Variants in FBXL7 observed in about 807,000 individuals in gnomAD.
FBXL7 encodes the protein F-box and leucine rich repeat protein 7, also known as F-box/LRR-repeat protein 7.
In FBXL7, 12 loss-of-function variants were observed where a neutral mutation model predicts 38.3. That is an observed-to-expected ratio of 0.31 (90% CI 0.20 to 0.51). The LOEUF is 0.51. Among genes scored for constraint, FBXL7 ranks in the 20% least tolerant of loss-of-function variants. The pLI, the probability that FBXL7 is intolerant of heterozygous loss-of-function variation, is 0.98. For synonymous variants in FBXL7, 297 were observed against 300.9 expected (o/e 0.99, Z 0.13); for missense variants, 567 against 676.4 (o/e 0.84, Z 1.79).
At position 15,929,865 on chromosome 5, in the gene FBXL7, C is replaced by T. The variant is rs116933000; in HGVS notation, c.739+1364C>T. On this transcript the variant is annotated intron_variant, in intron 3 of 3. Transcript: ENST00000504595. ...TAAAACCAACAGCACGACCAGCAAC[C>T]TCAGGGAGTTTGGGGGAGGGGTCAA... Among the ~76,000 whole-genome samples, 86 of 152,170 alleles carry T rather than the reference C, an allele frequency of 5.7e-4. 1 individual carries two copies. The East Asian group carries it at 0.016, about 28-fold the overall frequency.
At chr5:15,731,276 C>T (rs1735576245) in intron 2 of FBXL7, among the ~76,000 whole-genome samples, 2 of 152,152 alleles carry the variant, frequency 1.3e-5, no homozygotes, top group Admixed American at 1.3e-4. Context: ...CTCACAGTTC[C>T]ACGTGGCTAG....
At chr5:15,668,796 A>G (rs1283994125) in intron 2 of FBXL7, among the ~76,000 whole-genome samples, 1 of 152,210 alleles carries the variant, frequency 6.6e-6, no homozygotes, top group Non-Finnish European at 1.5e-5. Flanking sequence ...TAACTTATGT[A>G]AAGACCTAGG....
At chr5:15,763,383 A>G (rs1736500320) in intron 2 of FBXL7, among the ~76,000 whole-genome samples, 1 of 152,210 alleles carries the variant, frequency 6.6e-6, no homozygotes, top group Non-Finnish European at 1.5e-5. Flanking sequence ...ATTTACATAA[A>G]TAAGTGTGTT....
At chr5:15,656,539 C>T (rs1240679832) in intron 2 of FBXL7, among the ~76,000 whole-genome samples, 2 of 152,102 alleles carry the variant, frequency 1.3e-5, no homozygotes, top group Non-Finnish European at 2.9e-5. Context: ...ACCATGAGAA[C>T]AGTATGGTGG....
At chr5:15,737,891 C>T (rs1204067800) in intron 2 of FBXL7, among the ~76,000 whole-genome samples, 3 of 152,116 alleles carry the variant, frequency 2.0e-5, no homozygotes, top group African/African-American at 7.2e-5. Flanking sequence ...TCTGTGTTAC[C>T]ATCTTTGCTC....
At chr5:15,850,642 T>C (rs979003942) in intron 2 of FBXL7, among the ~76,000 whole-genome samples, 2 of 152,238 alleles carry the variant, frequency 1.3e-5, no homozygotes, top group African/African-American at 4.8e-5. Context: ...GTTCCAGCAT[T>C]GTATCCCATT....
intron 1 of FBXL7, among the ~76,000 whole-genome samples, chr5:15,532,196 G>A (rs78116247): frequency 2.6e-5 from 4 of 152,306 alleles, no homozygotes; most frequent in Non-Finnish European, 5.9e-5. Flanking sequence ...TCTTTTTGCA[G>A]TGGCTATTTC....
chr5:15,882,936 G>A (rs1740519330), intron 2 of FBXL7, among the ~76,000 whole-genome samples: 1 of 147,970 alleles, frequency 6.8e-6, no homozygotes, highest in African/African-American at 2.5e-5. Context: ...TAAATTAAAT[G>A]TATTTTCTGA....
chr5:15,666,514 C>A (rs926076905), intron 2 of FBXL7, among the ~76,000 whole-genome samples: 3 of 152,184 alleles, frequency 2.0e-5, no homozygotes, highest in African/African-American at 7.2e-5. Context: ...TTCACACCAT[C>A]CCTTAAGAAT....
At chr5:15,629,446 G>T (rs1380606154) in intron 2 of FBXL7, among the ~76,000 whole-genome samples, 1 of 152,132 alleles carries the variant, frequency 6.6e-6, no homozygotes, top group East Asian at 1.9e-4. Context: ...ATTATTATAT[G>T]ACATGTTTTA....
rs1435257346 is a variant in FBXL7 at position 15,597,953 on chromosome 5, A to T, written c.38-18030A>T. On this transcript the variant is annotated intron_variant, in intron 1 of 3. Coordinates refer to ENST00000504595, the MANE Select transcript of FBXL7 (RefSeq NM_012304.5). ...AAGAACTATTCCAGTTTCAGGCAAG[A>T]TTTATTTTGCTTAATGTATCTCCTT... Among the ~76,000 whole-genome samples, 4 of 152,318 alleles carry T rather than the reference A, an allele frequency of 2.6e-5. No individual in the cohort carries two copies. In the East Asian group the frequency reaches 5.8e-4, roughly 22 times the overall value.
chr5:15,670,442 C>T (rs1742428003), intron 2 of FBXL7, among the ~76,000 whole-genome samples: 1 of 152,192 alleles, frequency 6.6e-6, no homozygotes, highest in African/African-American at 2.4e-5. Flanking sequence ...AGCCATCCCA[C>T]TGGTCAGGGG....
intron 2 of FBXL7, among the ~76,000 whole-genome samples, chr5:15,786,397 A>G (rs1338802701): frequency 6.6e-6 from 1 of 152,224 alleles, no homozygotes; most frequent in African/African-American, 2.4e-5. Context: ...GATTTCACTT[A>G]AGAAATTTTA....
chr5:15,921,988 A>G (rs1741755267), intron 2 of FBXL7, among the ~76,000 whole-genome samples: 1 of 152,196 alleles, frequency 6.6e-6, no homozygotes, highest in Non-Finnish European at 1.5e-5. Context: ...CACATACCCA[A>G]AGGAGATGAA....
intron 2 of FBXL7, among the ~76,000 whole-genome samples, chr5:15,883,206 A>G (rs985146455): frequency 6.6e-6 from 1 of 152,222 alleles, no homozygotes; most frequent in African/African-American, 2.4e-5. Context: ...GGTTGGCATA[A>G]TTGCTATCTT....
At chr5:15,811,313 C>A (rs562430034) in intron 2 of FBXL7, among the ~76,000 whole-genome samples, 1 of 152,236 alleles carries the variant, frequency 6.6e-6, no homozygotes, top group East Asian at 1.9e-4. Flanking sequence ...GCTCTGGAGT[C>A]GAAAAGTCCA....
rs541027313 is a variant in FBXL7, at chr5:15,567,769, C to T, written c.38-48214C>T. ...CCCTCACCCCACCCCACAACAGGCC[C>T]TGGTGTGTGATGTTCCCCTTCCTGT... On this transcript the variant is annotated intron_variant, in intron 1 of 3. Coordinates refer to ENST00000504595, the MANE Select transcript of FBXL7 (RefSeq NM_012304.5). 1.7e-3 allele frequency among the ~76,000 whole-genome samples: 265 copies of T among 151,862 alleles called. 1 individual carries two copies. The highest frequency in any genetic ancestry group is 6.1e-3 in the African/African-American group (253 of 41,360).
chr5:15,798,277 C>T (rs1458095053), intron 2 of FBXL7, among the ~76,000 whole-genome samples: 3 of 152,184 alleles, frequency 2.0e-5, no homozygotes, highest in Non-Finnish European at 4.4e-5. Flanking sequence ...GCTCTGCTGA[C>T]CTGAGACTCT....
chr5:15,622,908 T>C (rs1352924461), intron 2 of FBXL7, among the ~76,000 whole-genome samples: 1 of 151,922 alleles, frequency 6.6e-6, no homozygotes, highest in African/African-American at 2.4e-5. Flanking sequence ...TTTGGCCATG[T>C]TGGCCAGGCT....
Sources: gnomAD v4.1 joint callset for allele counts (sites outside exome capture counted in the v4.1 genomes callset) on GRCh38, gnomAD v4.1.1 for gene constraint, MANE v1.5 for transcripts, NCBI Gene and HGNC (gene_info 2026-07-23, HGNC 2026-07-21) for gene names.